The following SLC35F3 variants were observed in gnomAD, a reference collection of about 807,000 sequenced individuals.
The protein encoded by SLC35F3 is solute carrier family 35 member F3.
SLC35F3 carries 25 observed loss-of-function variants against 49.9 expected under a neutral mutation model. The ratio of observed to expected loss-of-function variants is 0.50; its 90% CI spans 0.37 to 0.70. The LOEUF is 0.70. Ranked by LOEUF, SLC35F3 falls within the 30% of genes least tolerant of loss-of-function variation. The pLI is 0.00. For synonymous variants in SLC35F3, 275 were observed against 265.4 expected (o/e 1.04, Z -0.35); for missense variants, 525 against 639.8 (o/e 0.82, Z 1.94).
At chr1:234,052,196 A>AAT (rs1553300951) in intron 2 of SLC35F3, among the ~76,000 whole-genome samples, 1 of 150,988 alleles carries the variant, frequency 6.6e-6, no homozygotes, top group African/African-American at 2.4e-5. Context: ...TATTGATTGG[A>AAT]AGTTTCAGAA....
chr1:233,941,954 G>T (rs368627300), intron 2 of SLC35F3, among the ~76,000 whole-genome samples: 413 of 120,102 alleles, frequency 3.4e-3, no homozygotes, highest in East Asian at 9.3e-3. Context: ...GTTGTTTTTT[G>T]TTTTTTTGTT....
At chr1:234,012,854 C>G (rs963862314) in intron 2 of SLC35F3, among the ~76,000 whole-genome samples, 4 of 152,134 alleles carry the variant, frequency 2.6e-5, no homozygotes, top group Non-Finnish European at 5.9e-5. Flanking sequence ...ATTAAAGGAT[C>G]TGAAGGAAGA....
intron 2 of SLC35F3, among the ~76,000 whole-genome samples, chr1:234,018,676 A>C (rs1316168247): frequency 2.0e-5 from 3 of 152,206 alleles, no homozygotes; most frequent in Non-Finnish European, 2.9e-5. Context: ...AGAGGTGTCT[A>C]GATCCATTCT....
chr1:234,154,649 TATC>T (rs1666124719), intron 2 of SLC35F3, among the ~76,000 whole-genome samples: 1 of 152,190 alleles, frequency 6.6e-6, no homozygotes, highest in Non-Finnish European at 1.5e-5. Flanking sequence ...TTTAAATAGT[TATC>T]ATAACTAAAA....
At chr1:234,219,264 C>A (rs2102944254) in intron 2 of SLC35F3, among the ~76,000 whole-genome samples, 1 of 152,092 alleles carries the variant, frequency 6.6e-6, no homozygotes, top group African/African-American at 2.4e-5. Context: ...TCCTGGAATG[C>A]TCAATTAATA....
intron 2 of SLC35F3, among the ~76,000 whole-genome samples, chr1:233,985,316 T>G (rs1034700796): frequency 6.6e-6 from 1 of 152,252 alleles, no homozygotes; most frequent in African/African-American, 2.4e-5. Flanking sequence ...AAACTTGTCA[T>G]GTAGCTTCTG....
intron 3 of SLC35F3, among the ~76,000 whole-genome samples, chr1:234,247,183 ACT>A (rs1414239690): frequency 6.6e-6 from 1 of 151,674 alleles, no homozygotes; most frequent in Non-Finnish European, 1.5e-5. Context: ...AAGAAGAGAA[ACT>A]CTGTGTGGCA....
chr1:234,054,666 G>A (rs1269633923), intron 2 of SLC35F3, among the ~76,000 whole-genome samples: 1 of 152,106 alleles, frequency 6.6e-6, no homozygotes, highest in Non-Finnish European at 1.5e-5. Flanking sequence ...TTCTCTGTCC[G>A]GCTTTGTTCT....
chr1:234,031,999 A>G (rs1452587072), intron 2 of SLC35F3, among the ~76,000 whole-genome samples: 12 of 152,036 alleles, frequency 7.9e-5, no homozygotes, highest in Admixed American at 3.9e-4. Context: ...CAACCCATCC[A>G]TTTTCCCATT....
Position 234,214,237 on chromosome 1 carries a change from C to T in SLC35F3, c.284-17180C>T. 8.1e-7 allele frequency: 1 copy of T among 1,227,370 alleles called. No individual in the cohort carries two copies. The highest frequency in any genetic ancestry group is 1.0e-6 in the Non-Finnish European group (1 of 984,780). 76.0% of individuals were successfully genotyped at this position (1,227,370 alleles called of 1,614,324 possible). ...TGACGTTGGAGTTTGCAGCAACCTC[C>T]AAGTAGGAGGCTGTGCGCGCGTGTG... On this transcript the variant is annotated intron_variant, in intron 2 of 7. Coordinates refer to ENST00000366618, the MANE Select transcript of SLC35F3 (RefSeq NM_173508.4). The surrounding 1 kb of genome is among the most constrained non-coding windows in gnomAD (Gnocchi z 8.0).
intron 3 of SLC35F3, among the ~76,000 whole-genome samples, chr1:234,293,013 T>G (rs2102986696): frequency 1.3e-5 from 2 of 152,312 alleles, no homozygotes; most frequent in East Asian, 1.9e-4. Context: ...GCTAATTCAT[T>G]TTTAGACTTA....
chr1:234,063,161 G>T (rs1023409374), intron 2 of SLC35F3, among the ~76,000 whole-genome samples: 1 of 152,108 alleles, frequency 6.6e-6, no homozygotes, highest in Non-Finnish European at 1.5e-5. Context: ...CAAATTGAGG[G>T]TTGGGCTGCT....
chr1:234,275,835 T>C (rs1374319721), intron 3 of SLC35F3, among the ~76,000 whole-genome samples: 2 of 152,004 alleles, frequency 1.3e-5, no homozygotes, highest in African/African-American at 2.4e-5. Flanking sequence ...TTAGTATTAA[T>C]ATGTGCCAGG....
chr1:233,965,790 C>A (rs1662896623), intron 2 of SLC35F3, among the ~76,000 whole-genome samples: 1 of 152,166 alleles, frequency 6.6e-6, no homozygotes, highest in African/African-American at 2.4e-5. Context: ...GTCCAGATTC[C>A]TAATACCTCA....
At chr1:233,973,546 A>G (rs2102818294) in intron 2 of SLC35F3, among the ~76,000 whole-genome samples, 1 of 152,364 alleles carries the variant, frequency 6.6e-6, no homozygotes, top group East Asian at 1.9e-4. Context: ...TTGAGGATGC[A>G]GAGTCTTGTG....
chr1:233,954,766 T>C (rs1448680072), intron 2 of SLC35F3, among the ~76,000 whole-genome samples: 2 of 152,174 alleles, frequency 1.3e-5, no homozygotes, highest in Non-Finnish European at 2.9e-5. Flanking sequence ...CTGATAAGCA[T>C]AGCAAACCAG....
chr1:234,004,578 C>G (rs556193139), intron 2 of SLC35F3, among the ~76,000 whole-genome samples: 1 of 88,588 alleles, frequency 1.1e-5, no homozygotes, highest in South Asian at 4.0e-4. Context: ...GGAAAATAGA[C>G]TCTGTATTGA....
At chr1:234,208,134 G>A (rs1395575927) in intron 2 of SLC35F3, among the ~76,000 whole-genome samples, 1 of 152,214 alleles carries the variant, frequency 6.6e-6, no homozygotes, top group East Asian at 1.9e-4. Flanking sequence ...CAGGTTGGCT[G>A]CTTCTTCCTG....
At chr1:234,265,046 C>T (rs1395067413) in intron 3 of SLC35F3, among the ~76,000 whole-genome samples, 1 of 152,152 alleles carries the variant, frequency 6.6e-6, no homozygotes, top group Non-Finnish European at 1.5e-5. Context: ...GCAGTGTCTA[C>T]GCTTGCTCGC....
Sources: allele counts gnomAD v4.1 joint callset (sites outside exome capture counted in the v4.1 genomes callset), GRCh38; gene constraint gnomAD v4.1.1; non-coding constraint Gnocchi (gnomAD v3.1); transcripts MANE v1.5; gene names NCBI Gene and HGNC (gene_info 2026-07-23, HGNC 2026-07-21).